Variants in FAT3 observed in about 807,000 individuals in gnomAD.
The protein encoded by FAT3 is FAT atypical cadherin 3, also known as protocadherin Fat 3.
A neutral mutation model predicts 310.2 loss-of-function variants in FAT3; 95 were observed. That is an observed-to-expected ratio of 0.31 (90% CI 0.26 to 0.36). The LOEUF is 0.36. FAT3 is among the 10% of genes least tolerant of loss of function. The pLI is 1.00. For synonymous variants in FAT3, 2,314 were observed against 2,192.9 expected (o/e 1.06, Z -1.54); for missense variants, 5,408 against 5,715.6 (o/e 0.95, Z 1.74).
intron 3 of FAT3, among the ~76,000 whole-genome samples, chr11:92,550,770 CTTT>C (rs11472875): frequency 1.4e-5 from 2 of 142,112 alleles, no homozygotes; most frequent in Admixed American, 1.4e-4. Context: ...CCACATTTAT[CTTT>C]TTTTTTTTTT....
chr11:92,732,909 G>A (rs1044609986), intron 4 of FAT3, among the ~76,000 whole-genome samples: 1 of 152,210 alleles, frequency 6.6e-6, no homozygotes, highest in African/African-American at 2.4e-5. Context: ...CACTTGGACG[G>A]TGGAAAGGTG....
intron 4 of FAT3, among the ~76,000 whole-genome samples, chr11:92,721,515 A>T (rs890953881): frequency 8.5e-5 from 13 of 152,338 alleles, no homozygotes; most frequent in African/African-American, 2.9e-4. Context: ...AACAATAATG[A>T]TCCTAATAAA....
At position 92,715,380 on chromosome 11, in the gene FAT3, C is replaced by T. The variant is rs183111352; in HGVS notation, c.3669+17935C>T. ...CCAAGATCGCACCACTGCACTGCAGCCTGGGTGACAGTGCAAGACTCTGTC... is the reference window on the plus strand; with the variant it reads ...CCAAGATCGCACCACTGCACTGCAGTCTGGGTGACAGTGCAAGACTCTGTC... On this transcript the variant is annotated intron_variant, in intron 4 of 27. Coordinates refer to ENST00000525166, the MANE Select transcript of FAT3 (RefSeq NM_001367949.2). 7.6e-3 allele frequency among the ~76,000 whole-genome samples: 1,147 copies of T among 151,372 alleles called. 16 individuals are homozygous for T. The highest frequency in any genetic ancestry group is 0.026 in the African/African-American group (1,083 of 41,224).
chr11:92,619,041 A>C (rs909089217), intron 3 of FAT3, among the ~76,000 whole-genome samples: 3 of 152,134 alleles, frequency 2.0e-5, no homozygotes, highest in African/African-American at 7.2e-5. Flanking sequence ...TTCATGTTTT[A>C]ATCCTGAAAG....
chr11:92,543,799 A>G (rs1954527701), intron 3 of FAT3, among the ~76,000 whole-genome samples: 1 of 152,194 alleles, frequency 6.6e-6, no homozygotes. Context: ...AATTTAACAA[A>G]TGGATATGAA....
intron 2 of FAT3, among the ~76,000 whole-genome samples, chr11:92,485,691 CT>C (rs933042267): frequency 9.2e-5 from 14 of 152,112 alleles, no homozygotes; most frequent in African/African-American, 3.1e-4. Flanking sequence ...TTCATATACA[CT>C]AAATACCATA....
chr11:92,596,633 G>T (rs1188097468), intron 3 of FAT3, among the ~76,000 whole-genome samples: 1 of 152,202 alleles, frequency 6.6e-6, no homozygotes, highest in African/African-American at 2.4e-5. Context: ...CAGGCTCATT[G>T]TTATCCAATT....
In FAT3 at chr11:92,544,710, A is replaced by G. The variant is rs376247878; in HGVS notation, c.3607+19762A>G. Among the ~76,000 whole-genome samples, 19 of 152,272 alleles carry G rather than the reference A, an allele frequency of 1.2e-4. No individual in the cohort carries two copies. The East Asian group carries it at 1.5e-3, about 12-fold the overall frequency. On this transcript the variant is annotated intron_variant, in intron 3 of 27. Transcript: ENST00000525166. ...CCAGTCAGGAAAGCTCTCAGGATTC[A>G]CAAAGACTCCAGATGCTTCCAGGGT... is the stretch of plus-strand genomic sequence containing the variant.
At chr11:92,361,346 C>T (rs578191876) in intron 2 of FAT3, among the ~76,000 whole-genome samples, 36 of 152,246 alleles carry the variant, frequency 2.4e-4, no homozygotes, top group Admixed American at 2.0e-3. Context: ...TTGTTATGTC[C>T]TAAATGTTTG....
intron 3 of FAT3, among the ~76,000 whole-genome samples, chr11:92,567,277 A>G (rs1335039286): frequency 1.5e-5 from 2 of 137,058 alleles, no homozygotes; most frequent in African/African-American, 5.6e-5. Flanking sequence ...CAAAAAACAC[A>G]TGAAAAAATG....
rs372360225 is a variant in FAT3 at position 92,792,900 on chromosome 11, G to A, written c.4745G>A (p.Gly1582Glu). The change falls in exon 9 of 28, where the codon GGA becomes GAA. Residue 1582 changes from glycine to glutamate, a missense_variant. By Grantham distance (98) the Gly-to-Glu change is moderately conservative. Transcript: ENST00000525166. ...EASVFESAAL[G>E]SAVLQVTALD... Reference sequence around the variant, plus strand: ...TCTGTGTTTGAATCTGCTGCTCTGGGATCAGCTGTTCTGCAAGTGACGGCT... The same window carrying A: ...TCTGTGTTTGAATCTGCTGCTCTGGAATCAGCTGTTCTGCAAGTGACGGCT... 1.2e-6 allele frequency: 2 copies of A among 1,613,682 alleles called. No individual in the cohort carries two copies. The highest frequency in any genetic ancestry group is 2.7e-5 in the African/African-American group (2 of 74,902).
At position 92,891,319 on chromosome 11, in the gene FAT3, A is replaced by G. The variant is rs1262999411; in HGVS notation, c.*206A>G. On this transcript the variant is annotated 3_prime_UTR_variant, in exon 28 of 28. Coordinates refer to ENST00000525166, the MANE Select transcript of FAT3 (RefSeq NM_001367949.2). ...ATGAAAGGCTCAGAAATTGTTTTTG[A>G]GAGGTGACTGGTAATCCTTGATGTA... 5.7e-6 allele frequency: 4 copies of G among 695,914 alleles called. No individual in the cohort carries two copies. Among genetic ancestry groups the G allele is most frequent in the South Asian group, 1.9e-5 (1 of 51,386 alleles). 43.1% of individuals were successfully genotyped at this position (695,914 alleles called of 1,614,324 possible). A position where few individuals can be genotyped will look rare whatever the true frequency, so the allele number is the denominator to read the frequency against.
chr11:92,391,319 G>A (rs1949744678), intron 2 of FAT3, among the ~76,000 whole-genome samples: 1 of 152,098 alleles, frequency 6.6e-6, no homozygotes, highest in Admixed American at 6.6e-5. Context: ...TTGCCAATAA[G>A]TATAAGTCCC....
chr11:92,771,775 A>C (rs546886758), intron 6 of FAT3, among the ~76,000 whole-genome samples: 78 of 152,132 alleles, frequency 5.1e-4, no homozygotes, highest in East Asian at 3.7e-3. Flanking sequence ...AAAAAAAAAA[A>C]ACATAAAATT....
intron 4 of FAT3, among the ~76,000 whole-genome samples, chr11:92,731,976 T>C (rs1451746861): frequency 2.0e-5 from 3 of 152,230 alleles, no homozygotes; most frequent in Admixed American, 1.3e-4. Context: ...TGTTCAGTTA[T>C]AGATCATGAA....
At chr11:92,319,290 T>G (rs1947546816) in intron 1 of FAT3, among the ~76,000 whole-genome samples, 1 of 152,194 alleles carries the variant, frequency 6.6e-6, no homozygotes. Context: ...GTTGATACTC[T>G]TGAATAAGTC....
chr11:92,800,409 A>G lies in FAT3; in HGVS notation c.7396A>G (p.Ser2466Gly). 1 of 1,613,990 alleles carries G rather than the reference A, an allele frequency of 6.2e-7. No individual in the cohort carries two copies. Among genetic ancestry groups the G allele is most frequent in the South Asian group, 1.1e-5 (1 of 91,078 alleles). Reference protein sequence around the residue: ...HRKQRMEPLYSLNVSVSDGLF... With the variant: ...HRKQRMEPLYGLNVSVSDGLF... ...GAAGCAGCGGATGGAGCCTCTGTAC[A>G]GTCTCAATGTGTCTGTCTCTGATGG... Residue 2466 changes from serine (S) to glycine (G), a missense_variant, in exon 10 of 28, where the codon AGT becomes GGT. Physicochemically the swap from Ser to Gly is moderately conservative, Grantham distance 56. Transcript: ENST00000525166.
rs369427789 is a variant in FAT3, at chr11:92,355,147, C to G, written c.3035C>G (p.Ala1012Gly). The change falls in exon 2 of 28, where the codon GCC becomes GGC. Residue 1012 changes from alanine (A) to glycine (G), a missense_variant. Transcript: ENST00000525166. ...CAGTTCTATAACCTTACTGTGCGGG[C>G]CAAAGACAAAGGGCGGCCTGTCTCT... ...KQQFYNLTVR[A>G]KDKGRPVSLS... 3 of 1,613,770 alleles carry G rather than the reference C, an allele frequency of 1.9e-6. No individual in the cohort carries two copies. The African/African-American group carries it at 4.0e-5, about 22-fold the overall frequency.
intron 3 of FAT3, among the ~76,000 whole-genome samples, chr11:92,551,187 G>T (rs778260441): frequency 1.2e-4 from 18 of 151,950 alleles, no homozygotes; most frequent in Non-Finnish European, 1.9e-4. Context: ...ATTACAGCAG[G>T]TATCTGGATC....
Sources: gnomAD v4.1 joint callset for allele counts (sites outside exome capture counted in the v4.1 genomes callset) on GRCh38, gnomAD v4.1.1 for gene constraint, MANE v1.5 for transcripts, NCBI Gene and HGNC (gene_info 2026-07-23, HGNC 2026-07-21) for gene names.